The following AGXT2 variants were observed in gnomAD, a reference collection of about 807,000 sequenced individuals.
AGXT2 encodes alanine--glyoxylate aminotransferase 2, also known as alanine--glyoxylate aminotransferase 2, mitochondrial.
AGXT2 carries 61 observed loss-of-function variants against 62.5 expected under a neutral mutation model. The observed-to-expected ratio is 0.98, with a 90% CI of 0.79 to 1.21. AGXT2 has a LOEUF of 1.21. AGXT2 is among the 50% of genes most tolerant of loss of function. The probability of loss-of-function intolerance (pLI) is 0.00; values close to 1 mark genes in which losing one functional copy is unlikely to be tolerated. For missense variants in AGXT2, 666 were observed against 641.5 expected, an observed-to-expected ratio of 1.04 and a Z score of -0.41; for synonymous variants, 243 against 218.7, an observed-to-expected ratio of 1.11 and a Z score of -0.98.
intron 13 of AGXT2, 126 bp from the exon 14 acceptor site, chr5:34,998,952 G>C (rs16899975): frequency 0.23 from 173,492 of 755,872 alleles, 22,144 homozygotes; most frequent in East Asian, 0.46. Flanking sequence ...TCTCAGTTTG[G>C]TTCCTCCTCC....
At position 35,033,305 on chromosome 5, in the gene AGXT2, C is replaced by T. The variant is rs902794667; in HGVS notation, c.675+155G>A. On this transcript the variant is annotated intron_variant, in intron 6 of 13. Transcript: ENST00000231420. Reference sequence around the variant, plus strand: ...ACTCGGAAGGCCTTTCTAATGGTGTCCTCAAGTGGTCTCCAATTCAATTAG... The same window carrying T: ...ACTCGGAAGGCCTTTCTAATGGTGTTCTCAAGTGGTCTCCAATTCAATTAG... The T allele has an allele frequency of 1.6e-5, 11 of 688,306 alleles. No homozygotes were observed. In the East Asian group the frequency reaches 2.5e-4, roughly 15 times the overall value. The allele number at this position is 688,306 out of a possible 1,614,324, so 42.6% of individuals were successfully genotyped here. A position where few individuals can be genotyped will look rare whatever the true frequency, so the allele number is the denominator to read the frequency against.
At chr5:35,028,189 C>G (rs1308968645) in intron 7 of AGXT2, among the ~76,000 whole-genome samples, 1 of 152,058 alleles carries the variant, frequency 6.6e-6, no homozygotes, top group African/African-American at 2.4e-5. Context: ...ATTTGCGTTT[C>G]TGAGAATTCG....
At chr5:35,019,389 G>C (rs1215027090) in intron 9 of AGXT2, among the ~76,000 whole-genome samples, 1 of 149,260 alleles carries the variant, frequency 6.7e-6, no homozygotes, top group Admixed American at 6.7e-5. Context: ...AGACCACAGT[G>C]CAATCAAACT....
intron 12 of AGXT2, among the ~76,000 whole-genome samples, chr5:35,009,367 G>A (rs1766540063): frequency 6.6e-6 from 1 of 152,142 alleles, no homozygotes; most frequent in Non-Finnish European, 1.5e-5. Context: ...AGGCCACGGT[G>A]GGCAGATAAC....
intron 7 of AGXT2, among the ~76,000 whole-genome samples, chr5:35,032,453 G>C (rs1767603190): frequency 6.6e-6 from 1 of 152,182 alleles, no homozygotes; most frequent in Non-Finnish European, 1.5e-5. Context: ...AGAATGCCTT[G>C]AATCAAGTAC....
intron 12 of AGXT2, among the ~76,000 whole-genome samples, chr5:35,004,513 G>A (rs973800703): frequency 1.3e-5 from 2 of 152,204 alleles, no homozygotes; most frequent in Non-Finnish European, 2.9e-5. Context: ...ACATTGGGCT[G>A]ACTTGCATCC....
At chr5:35,004,774 T>C (rs1330021085) in intron 12 of AGXT2, among the ~76,000 whole-genome samples, 1 of 152,086 alleles carries the variant, frequency 6.6e-6, no homozygotes, top group African/African-American at 2.4e-5. Context: ...GTGTGCCCAG[T>C]TTCATTACAT....
intron 9 of AGXT2, among the ~76,000 whole-genome samples, chr5:35,014,750 A>G (rs1703604405): frequency 6.6e-6 from 1 of 152,208 alleles, no homozygotes; most frequent in South Asian, 2.1e-4. Context: ...GACAGGGATC[A>G]TTATGATTAA....
At chr5:35,026,537 A>C in intron 7 of AGXT2, 27 bp from the exon 8 acceptor site, 1 of 1,579,430 alleles carries the variant, frequency 6.3e-7, no homozygotes, top group Non-Finnish European at 8.7e-7. Context: ...ACAAAACAAA[A>C]CAAACCACAG....
Position 35,009,990 on chromosome 5 carries a change from T to A in AGXT2, c.1338+10A>T, listed in dbSNP as rs753433403. 5 of 1,614,216 alleles carry A rather than the reference T, an allele frequency of 3.1e-6. No homozygotes were observed. The South Asian group carries it at 4.4e-5, about 14-fold the overall frequency. ...AAGCAGCTGAGAGAGAGGGGCAGAT[T>A]AGCACCTACCTTATCCTGCACCATT... On this transcript the variant is annotated intron_variant, in intron 12 of 13. Coordinates refer to ENST00000231420, the MANE Select transcript of AGXT2 (RefSeq NM_031900.4).
intron 9 of AGXT2, among the ~76,000 whole-genome samples, chr5:35,018,086 T>C (rs1766920898): frequency 6.6e-6 from 1 of 152,164 alleles, no homozygotes; most frequent in African/African-American, 2.4e-5. Flanking sequence ...AAAGACCAAA[T>C]CTACGTCTGA....
intron 9 of AGXT2, among the ~76,000 whole-genome samples, chr5:35,025,111 C>T (rs370776781): frequency 2.6e-5 from 4 of 152,178 alleles, no homozygotes; most frequent in Non-Finnish European, 4.4e-5. Flanking sequence ...CACGGTGGCT[C>T]ACGTCTCTAA....
chr5:35,014,110 C>G lies in AGXT2; in HGVS notation c.973G>C (p.Gly325Arg). ...AAGTGAGAGCCCAACCTTCCAAATC[C>G]TGTCTGCACCTGGGAAAACAAGTTC... The part of the protein sequence containing the change: ...GVCIADEVQT[G>R]FGRLGSHFWG... Residue 325 changes from glycine (G) to arginine (R), a missense_variant, in exon 10 of 14, where the codon GGA becomes CGA. By Grantham distance (125) the Gly-to-Arg change is moderately radical. Coordinates refer to ENST00000231420, the MANE Select transcript of AGXT2 (RefSeq NM_031900.4). 1 of 1,614,086 alleles carries G rather than the reference C, an allele frequency of 6.2e-7. No individual in the cohort carries two copies. Among genetic ancestry groups the G allele is most frequent in the Non-Finnish European group, 8.5e-7 (1 of 1,180,004 alleles).
intron 3 of AGXT2, among the ~76,000 whole-genome samples, chr5:35,038,043 A>G (rs112675570): frequency 6.6e-6 from 1 of 152,360 alleles, no homozygotes; most frequent in Non-Finnish European, 1.5e-5. Context: ...TTTGAGAAAT[A>G]CCAGATTATA....
chr5:35,008,126 G>T (rs925906247), intron 12 of AGXT2, among the ~76,000 whole-genome samples: 2 of 152,094 alleles, frequency 1.3e-5, no homozygotes, highest in Non-Finnish European at 2.9e-5. Flanking sequence ...TTGATAAATT[G>T]CCCAGCCTCA....
intron 7 of AGXT2, chr5:35,027,113 AG>A: frequency 1.5e-6 from 1 of 689,066 alleles, no homozygotes; most frequent in Non-Finnish European, 1.8e-6. Flanking sequence ...ATTAATCAGG[AG>A]GTTTTTGTGG....
At chr5:35,044,413 G>A (rs926423831) in intron 1 of AGXT2, among the ~76,000 whole-genome samples, 1 of 152,166 alleles carries the variant, frequency 6.6e-6, no homozygotes, top group Non-Finnish European at 1.5e-5. Flanking sequence ...GGTATCATCC[G>A]CTCCGGACAT....
intron 1 of AGXT2, 98 bp downstream of exon 1, chr5:35,047,707 G>A: frequency 1.3e-6 from 2 of 1,487,782 alleles, no homozygotes; most frequent in Non-Finnish European, 1.8e-6. Flanking sequence ...CCTCACCCAG[G>A]TCTAACATTC....
At chr5:35,003,279 C>T (rs73082764) in intron 13 of AGXT2, among the ~76,000 whole-genome samples, 109 of 152,324 alleles carry the variant, frequency 7.2e-4, no homozygotes, top group African/African-American at 2.5e-3. Context: ...AGGCGTCACC[C>T]GGGCCTGCAG....
Sources: gnomAD v4.1 joint callset for allele counts (sites outside exome capture counted in the v4.1 genomes callset) on GRCh38, gnomAD v4.1.1 for gene constraint, MANE v1.5 for transcripts, NCBI Gene and HGNC (gene_info 2026-07-23, HGNC 2026-07-21) for gene names.